Variants in SLC66A3 observed in about 807,000 individuals in gnomAD.
SLC66A3 encodes the protein solute carrier family 66 member 3, also known as PQ loop repeat containing 3.
Under a neutral mutation model 25.5 loss-of-function variants are expected in SLC66A3, and 23 were observed. The observed-to-expected ratio is 0.90, with a 90% CI of 0.65 to 1.28. SLC66A3 has a LOEUF of 1.28. Among genes scored for constraint, SLC66A3 ranks in the 50% most tolerant of loss-of-function variants. The pLI, the probability that SLC66A3 is intolerant of heterozygous loss-of-function variation, is 0.00. For missense variants in SLC66A3, 246 were observed against 262.1 expected, an observed-to-expected ratio of 0.94 and a Z score of 0.42; for synonymous variants, 108 against 112.6, an observed-to-expected ratio of 0.96 and a Z score of 0.26.
chr2:11,157,458 C>T (rs1661946788), intron 1 of SLC66A3, among the ~76,000 whole-genome samples: 1 of 152,248 alleles, frequency 6.6e-6, no homozygotes, highest in Non-Finnish European at 1.5e-5. Context: ...ATCCTCCTGG[C>T]CCTCCTGTCT....
intron 4 of SLC66A3, among the ~76,000 whole-genome samples, chr2:11,164,816 T>TGTCC (rs951826943): frequency 6.6e-6 from 1 of 152,050 alleles, no homozygotes; most frequent in African/African-American, 2.4e-5. Context: ...TAACCCTGAG[T>TGTCC]GGACACAGCA....
intron 1 of SLC66A3, among the ~76,000 whole-genome samples, chr2:11,157,927 T>G (rs1661966253): frequency 6.6e-6 from 1 of 152,084 alleles, no homozygotes; most frequent in African/African-American, 2.4e-5. Flanking sequence ...AGCACAAGAT[T>G]CATCCAACCT....
chr2:11,170,494 A>C (rs1662510568), intron 4 of SLC66A3, among the ~76,000 whole-genome samples: 1 of 151,124 alleles, frequency 6.6e-6, no homozygotes, highest in African/African-American at 2.4e-5. Context: ...GAATAGCCAG[A>C]AATTCAGGGC....
rs534048733 is a variant in SLC66A3, at chr2:11,170,082, C to T, written c.355-1843C>T. Among the ~76,000 whole-genome samples the T allele has an allele frequency of 6.6e-5, 10 of 152,246 alleles. No homozygotes were observed. The East Asian group carries it at 1.4e-3, about 21-fold the overall frequency. ...TCGATCTCTTGACCTCGTGATCTGC[C>T]CGCCTCGGCCTCCCAAAGTAGTGGG... On this transcript the variant is annotated intron_variant, in intron 4 of 6. Transcript: ENST00000295083.
At chr2:11,157,056 G>T (rs572128567) in intron 1 of SLC66A3, among the ~76,000 whole-genome samples, 40 of 152,312 alleles carry the variant, frequency 2.6e-4, no homozygotes, top group African/African-American at 9.4e-4. Context: ...AAGAAGCCAG[G>T]CTGTCTGTAG....
chr2:11,160,579 C>A lies in SLC66A3; in HGVS notation c.226+31C>A, dbSNP rs377363433. 1.9e-3 allele frequency: 3,120 copies of A among 1,614,182 alleles called. 9 individuals carry two copies. The highest frequency in any genetic ancestry group is 2.4e-3 in the Non-Finnish European group (2,851 of 1,180,036). ...AGCCCCTTCCCTGTCCAGCGGACTG[C>A]CACGGGTCTCCCCTTCCCCCCTCAC... On this transcript the variant is annotated intron_variant, in intron 2 of 6. Transcript: ENST00000295083.
Position 11,172,002 on chromosome 2 carries a change from T to C in SLC66A3, c.432T>C (p.Thr144=), listed in dbSNP as rs1323038074. Residue 144 remains threonine, a synonymous_variant, in exon 5 of 7, where the codon ACT becomes ACC. Coordinates refer to ENST00000295083, the MANE Select transcript of SLC66A3 (RefSeq NM_152391.5). ...QCLWKTRDSG[T]VSALTWSLSS... ...TGTGGAAGACGAGAGACTCAGGAACTGTGAGTGCGCTGACTTGGAGCCTCT... is the reference window on the plus strand; with the variant it reads ...TGTGGAAGACGAGAGACTCAGGAACCGTGAGTGCGCTGACTTGGAGCCTCT... 6.2e-7 allele frequency: 1 copy of C among 1,613,986 alleles called. No individual in the cohort carries two copies. The highest frequency in any genetic ancestry group is 8.5e-7 in the Non-Finnish European group (1 of 1,179,956).
At chr2:11,162,940 T>C (rs919375543) in intron 3 of SLC66A3, among the ~76,000 whole-genome samples, 1 of 152,222 alleles carries the variant, frequency 6.6e-6, no homozygotes, top group Non-Finnish European at 1.5e-5. Context: ...TGGGATATAC[T>C]TCTACTGATA....
intron 1 of SLC66A3, 150 bp downstream of exon 1, chr2:11,155,839 A>G (rs1558246516): frequency 4.4e-6 from 3 of 677,736 alleles, no homozygotes; most frequent in Non-Finnish European, 4.3e-6. Flanking sequence ...TAGGGAGCCT[A>G]GGGGCTCGGG....
intron 1 of SLC66A3, 46 bp downstream of exon 1, chr2:11,155,735 G>C: frequency 7.6e-7 from 1 of 1,322,522 alleles, no homozygotes; most frequent in Non-Finnish European, 9.7e-7. Context: ...CCTCGCAGCT[G>C]CTGCCGGCTG....
At chr2:11,165,617 G>A (rs1052013601) in intron 4 of SLC66A3, among the ~76,000 whole-genome samples, 60 of 152,300 alleles carry the variant, frequency 3.9e-4, no homozygotes, top group South Asian at 6.2e-4. Flanking sequence ...ACGGGGTGTC[G>A]GCCGGGCAGA....
intron 4 of SLC66A3, among the ~76,000 whole-genome samples, chr2:11,168,765 C>G (rs1357262770): frequency 1.3e-5 from 2 of 152,178 alleles, no homozygotes; most frequent in African/African-American, 4.8e-5. Context: ...ACCCAGCTCT[C>G]AGGGTGACTT....
intron 4 of SLC66A3, among the ~76,000 whole-genome samples, chr2:11,165,810 T>C (rs1662318139): frequency 6.6e-6 from 1 of 152,114 alleles, no homozygotes; most frequent in South Asian, 2.1e-4. Context: ...GGTTAGGGGC[T>C]GGAGACCAGC....
At chr2:11,165,143 G>A (rs1437190496) in intron 4 of SLC66A3, among the ~76,000 whole-genome samples, 1 of 151,752 alleles carries the variant, frequency 6.6e-6, no homozygotes, top group African/African-American at 2.4e-5. Flanking sequence ...CGGACGGGGC[G>A]GCTGGCCGGG....
intron 1 of SLC66A3, 125 bp downstream of exon 1, chr2:11,155,814 C>A: frequency 1.1e-6 from 1 of 941,106 alleles, no homozygotes; most frequent in Non-Finnish European, 1.4e-6. Flanking sequence ...CGCAGCTGGG[C>A]GGCCGAGGGT....
intron 6 of SLC66A3, among the ~76,000 whole-genome samples, chr2:11,177,340 A>T (rs1003092100): frequency 2.0e-5 from 3 of 152,084 alleles, no homozygotes; most frequent in Non-Finnish European, 4.4e-5. Flanking sequence ...GGCACCTGTC[A>T]TCCCAGGTGC....
chr2:11,165,899 C>G (rs527481654), intron 4 of SLC66A3, among the ~76,000 whole-genome samples: 207 of 151,768 alleles, frequency 1.4e-3, no homozygotes, highest in Middle Eastern at 3.4e-3. Context: ...GCCTGCAATC[C>G]CAGGCACTCG....
chr2:11,166,589 A>G (rs1558254780), intron 4 of SLC66A3, among the ~76,000 whole-genome samples: 2 of 152,184 alleles, frequency 1.3e-5, no homozygotes, highest in Admixed American at 6.5e-5. Flanking sequence ...CAGTACGTGT[A>G]TGTCCAAAAT....
intron 3 of SLC66A3, 128 bp downstream of exon 3, chr2:11,160,822 T>A (rs7608230): frequency 0.029 from 16,158 of 556,872 alleles, 378 homozygotes; most frequent in Non-Finnish European, 0.031. Flanking sequence ...AAAAAAAAAA[T>A]CCCAAATGCA....
Sources: allele counts gnomAD v4.1 joint callset (sites outside exome capture counted in the v4.1 genomes callset), GRCh38; gene constraint gnomAD v4.1.1; transcripts MANE v1.5; gene names NCBI Gene and HGNC (gene_info 2026-07-23, HGNC 2026-07-21).